Variants in IMMP2L observed in about 807,000 individuals in gnomAD.
IMMP2L encodes the protein inner mitochondrial membrane peptidase subunit 2, also known as mitochondrial inner membrane protease subunit 2.
IMMP2L carries 18 observed loss-of-function variants against 19.3 expected under a neutral mutation model. The ratio of observed to expected loss-of-function variants is 0.93; its 90% confidence interval spans 0.64 to 1.38. The LOEUF (loss-of-function observed/expected upper bound fraction) is 1.38. Among genes scored for constraint, IMMP2L ranks in the 40% most tolerant of loss-of-function variants. The probability of loss-of-function intolerance (pLI) is 0.00; values close to 1 mark genes in which losing one functional copy is unlikely to be tolerated. For missense variants in IMMP2L, 233 were observed against 218.2 expected (o/e 1.07, Z -0.43); for synonymous variants, 76 against 73.0 (o/e 1.04, Z -0.21).
intron 2 of IMMP2L, among the ~76,000 whole-genome samples, chr7:111,503,945 A>G (rs1166471613): frequency 6.6e-6 from 1 of 152,092 alleles, no homozygotes; most frequent in Non-Finnish European, 1.5e-5. Context: ...ACTCCTATTC[A>G]ACATAGTGTT....
intron 1 of IMMP2L, among the ~76,000 whole-genome samples, chr7:111,557,793 GT>G (rs1190343863): frequency 1.1e-4 from 16 of 152,054 alleles, no homozygotes; most frequent in African/African-American, 3.6e-4. Context: ...ACAGTCACTA[GT>G]TCCATGTACA....
At chr7:111,546,329 A>G (rs1848928289) in intron 1 of IMMP2L, among the ~76,000 whole-genome samples, 1 of 152,126 alleles carries the variant, frequency 6.6e-6, no homozygotes, top group South Asian at 2.1e-4. Flanking sequence ...ACCCTCAATG[A>G]CACATTGTGT....
Position 111,539,096 on chromosome 7 carries a change from C to T in IMMP2L, c.-2-17647G>A, listed in dbSNP as rs572285779. Among the ~76,000 whole-genome samples the T allele has an allele frequency of 8.4e-5, 12 of 142,256 alleles. No homozygotes were observed. The South Asian group carries it at 9.3e-4, about 11-fold the overall frequency. 93.3% of individuals were successfully genotyped at this position (142,256 alleles called of 152,430 possible). ...TCATGCCACTGCACTCCAGCCTTGG[C>T]GACAGAACAAGACTCCATCTCACAA... On this transcript the variant is annotated intron_variant, in intron 1 of 5. Coordinates refer to ENST00000405709, the MANE Select transcript of IMMP2L (RefSeq NM_032549.4).
chr7:110,939,547 C>A (rs979514047), intron 4 of IMMP2L, among the ~76,000 whole-genome samples: 11 of 152,228 alleles, frequency 7.2e-5, no homozygotes, highest in African/African-American at 2.6e-4. Context: ...TTAGTGTTGA[C>A]AACAGCATGA....
chr7:111,007,111 G>A (rs1585711424), intron 3 of IMMP2L, among the ~76,000 whole-genome samples: 1 of 152,088 alleles, frequency 6.6e-6, no homozygotes, highest in East Asian at 1.9e-4. Context: ...GAGGCCTCAG[G>A]AAGCTTACAA....
chr7:110,993,849 C>A (rs1270397567), intron 3 of IMMP2L, among the ~76,000 whole-genome samples: 1 of 152,118 alleles, frequency 6.6e-6, no homozygotes, highest in African/African-American at 2.4e-5. Context: ...GATGAACACA[C>A]TCTCCTAGGG....
intron 5 of IMMP2L, among the ~76,000 whole-genome samples, chr7:110,817,642 C>T (rs998705217): frequency 1.2e-4 from 18 of 152,046 alleles, no homozygotes; most frequent in Admixed American, 1.1e-3. Context: ...CAAAAAAGAG[C>T]CCGCATAGCC....
chr7:110,828,671 T>C (rs1803709236), intron 5 of IMMP2L, among the ~76,000 whole-genome samples: 1 of 152,136 alleles, frequency 6.6e-6, no homozygotes, highest in African/African-American at 2.4e-5. Context: ...TAGTCTACTC[T>C]ACACAAGATA....
chr7:111,162,637 GTT>G (rs774805607), intron 3 of IMMP2L, among the ~76,000 whole-genome samples: 1 of 142,318 alleles, frequency 7.0e-6, no homozygotes. Context: ...TGAGCGAGTA[GTT>G]TTTTTTTTTT....
rs374576553 is a variant in IMMP2L, at chr7:110,885,399, G to A, written c.408+1194C>T. ...TAGATATGTCTGCCTTTAGGAAAAT[G>A]TAATGAGTGAAGATCCAAGCTTTTA... On this transcript the variant is annotated intron_variant, in intron 5 of 5. Transcript: ENST00000405709. 1.4e-4 allele frequency among the ~76,000 whole-genome samples: 21 copies of A among 151,926 alleles called. No homozygotes were observed. The South Asian group carries it at 4.4e-3, about 32-fold the overall frequency.
intron 1 of IMMP2L, among the ~76,000 whole-genome samples, chr7:111,560,006 AAT>A (rs1392215888): frequency 7.3e-6 from 1 of 137,198 alleles, no homozygotes; most frequent in Non-Finnish European, 1.6e-5. Context: ...ATAACAGTGA[AAT>A]ATATATATAT....
intron 3 of IMMP2L, among the ~76,000 whole-genome samples, chr7:111,253,819 G>A (rs570076743): frequency 1.3e-5 from 2 of 152,276 alleles, no homozygotes; most frequent in African/African-American, 4.8e-5. Flanking sequence ...GGCAAGTAAT[G>A]AAAGTAACTG....
In IMMP2L at chr7:111,119,793, C is replaced by CTAA. The variant is rs374727847; in HGVS notation, c.240-156229_240-156228insTTA. ...AGGATGCAAAGCCAGGCAGGCCTCACGCTCTCAAGGAGGTTAGTGCCTGGT... is the reference window on the plus strand; with the variant it reads ...AGGATGCAAAGCCAGGCAGGCCTCACTAAGCTCTCAAGGAGGTTAGTGCCTGGT... On this transcript the variant is annotated intron_variant, in intron 3 of 5. Coordinates refer to ENST00000405709, the MANE Select transcript of IMMP2L (RefSeq NM_032549.4). Among the ~76,000 whole-genome samples the CTAA allele has an allele frequency of 9.5e-3, 1,453 of 152,216 alleles. 23 individuals are homozygous for CTAA. Among genetic ancestry groups the CTAA allele is most frequent in the African/African-American group, 0.033 (1,373 of 41,528 alleles).
intron 3 of IMMP2L, among the ~76,000 whole-genome samples, chr7:111,292,781 T>G (rs1258085098): frequency 6.6e-6 from 1 of 151,998 alleles, no homozygotes; most frequent in South Asian, 2.1e-4. Flanking sequence ...AGGGTTATCA[T>G]GAAAAATGAA....
At chr7:111,350,511 A>G (rs1408794774) in intron 3 of IMMP2L, among the ~76,000 whole-genome samples, 4 of 152,112 alleles carry the variant, frequency 2.6e-5, no homozygotes. Context: ...TAATGTTACA[A>G]TATTCCTTCC....
chr7:111,410,806 T>A (rs759012738), intron 3 of IMMP2L, among the ~76,000 whole-genome samples: 2 of 151,444 alleles, frequency 1.3e-5, no homozygotes, highest in Admixed American at 1.3e-4. Context: ...ACAGAAAATA[T>A]CAGTGAAGCT....
chr7:111,497,525 T>C (rs1843705173), intron 2 of IMMP2L, among the ~76,000 whole-genome samples: 1 of 152,036 alleles, frequency 6.6e-6, no homozygotes, highest in South Asian at 2.1e-4. Flanking sequence ...TTTGGATATG[T>C]CTGGAGAATA....
chr7:111,341,849 C>T (rs966971097), intron 3 of IMMP2L, among the ~76,000 whole-genome samples: 3 of 152,120 alleles, frequency 2.0e-5, no homozygotes, highest in African/African-American at 7.2e-5. Flanking sequence ...GAGATTCACA[C>T]TAATTACAAA....
intron 3 of IMMP2L, among the ~76,000 whole-genome samples, chr7:111,299,439 A>T (rs1379076618): frequency 6.6e-6 from 1 of 152,148 alleles, no homozygotes; most frequent in African/African-American, 2.4e-5. Context: ...CATCAAATAA[A>T]TAATCTTCAA....
Sources: gnomAD v4.1 joint callset for allele counts (sites outside exome capture counted in the v4.1 genomes callset) on GRCh38, gnomAD v4.1.1 for gene constraint, MANE v1.5 for transcripts, NCBI Gene and HGNC (gene_info 2026-07-23, HGNC 2026-07-21) for gene names.